Variants in TMEM242 observed in about 807,000 individuals in gnomAD.
TMEM242 encodes UPF0463 transmembrane protein C6orf35.
In TMEM242, 10 loss-of-function variants were observed where a neutral mutation model predicts 18.2. That is an observed-to-expected ratio of 0.55 (90% CI 0.34 to 0.93). The LOEUF (loss-of-function observed/expected upper bound fraction) is 0.93, where lower values mean the gene tolerates loss of function less well. Among genes scored for constraint, TMEM242 ranks in the 40% least tolerant of loss-of-function variants. The pLI is 0.02. For synonymous variants in TMEM242, 57 were observed against 69.9 expected, an observed-to-expected ratio of 0.81 and a Z score of 0.92; for missense variants, 186 against 175.5, an observed-to-expected ratio of 1.06 and a Z score of -0.34.
Position 157,291,677 on chromosome 6 carries a change from T to C in TMEM242, c.*1224A>G, listed in dbSNP as rs1777686379. The C allele has an allele frequency of 6.6e-6, 1 of 152,230 alleles. No individual in the cohort carries two copies. Among genetic ancestry groups the C allele is most frequent in the Non-Finnish European group, 1.5e-5 (1 of 68,044 alleles). The allele number at this position is 152,230 out of a possible 1,614,324, so 9.4% of individuals were successfully genotyped here. ...CTGTTTCATTAACAATACAGCAATT[T>C]TAACAGGGTAACATGGTCTAGAGAA... On this transcript the variant is annotated 3_prime_UTR_variant, in exon 4 of 4. Coordinates refer to ENST00000400788, the MANE Select transcript of TMEM242 (RefSeq NM_018452.6).
At chr6:157,300,182 G>A (rs1777808520) in intron 3 of TMEM242, 2 of 499,122 alleles carry the variant, frequency 4.0e-6, no homozygotes, top group South Asian at 2.1e-5. Context: ...TGACCAGGAC[G>A]TCGCAACGCC....
chr6:157,311,350 GCGCT>G (rs1778077358), intron 3 of TMEM242, among the ~76,000 whole-genome samples: 1 of 133,718 alleles, frequency 7.5e-6, no homozygotes, highest in Non-Finnish European at 1.7e-5. Flanking sequence ...GTCCCAGTGT[GCGCT>G]CACCTAGCCT....
intron 3 of TMEM242, among the ~76,000 whole-genome samples, chr6:157,313,327 G>T (rs1554249698): frequency 2.0e-5 from 3 of 151,954 alleles, no homozygotes; most frequent in Non-Finnish European, 4.4e-5. Context: ...CGCTCACCTG[G>T]CCTCATCATA....
intron 3 of TMEM242, among the ~76,000 whole-genome samples, chr6:157,314,788 CA>C (rs1249962927): frequency 6.6e-6 from 1 of 152,182 alleles, no homozygotes; most frequent in African/African-American, 2.4e-5. Context: ...AATAAACAAA[CA>C]GTAAAACCAA....
At chr6:157,312,712 CTGGCCT>C (rs1778211431) in intron 3 of TMEM242, among the ~76,000 whole-genome samples, 1 of 142,026 alleles carries the variant, frequency 7.0e-6, no homozygotes, top group African/African-American at 2.7e-5. Context: ...GTGCGCTCAC[CTGGCCT>C]CATCTTACTG....
At chr6:157,311,391 CCTAGCCTCATCATAGTGTTCCAG>C (rs1778083984) in intron 3 of TMEM242, among the ~76,000 whole-genome samples, 1 of 12,156 alleles carries the variant, frequency 8.2e-5, no homozygotes, top group African/African-American at 3.0e-4. Flanking sequence ...TGTGCGCTCA[CCTAGCCTCATCATAGTGTTCCAG>C]TGTGCACGCA....
At chr6:157,311,464 C>A (rs373282781) in intron 3 of TMEM242, among the ~76,000 whole-genome samples, 45 of 40,976 alleles carry the variant, frequency 1.1e-3, no homozygotes, top group East Asian at 1.7e-3. Flanking sequence ...AATCACCTGG[C>A]CTCATCATAG....
chr6:157,290,611 A>C lies in TMEM242; in HGVS notation c.*2290T>G, dbSNP rs1777672201. 1 of 152,236 alleles carries C rather than the reference A, an allele frequency of 6.6e-6. No individual in the cohort carries two copies. The allele number at this position is 152,236 out of a possible 1,614,324, so 9.4% of individuals were successfully genotyped here. A position where few individuals can be genotyped will look rare whatever the true frequency, so the allele number is the denominator to read the frequency against. On this transcript the variant is annotated 3_prime_UTR_variant, in exon 4 of 4. Coordinates refer to ENST00000400788, the MANE Select transcript of TMEM242 (RefSeq NM_018452.6). ...ATTTTTCCTTTCCATTAACCAATTT[A>C]ACAATATGCCTCTGGTACAAAAGGA...
At chr6:157,312,815 T>A (rs1242623781) in intron 3 of TMEM242, among the ~76,000 whole-genome samples, 1 of 7,270 alleles carries the variant, frequency 1.4e-4, no homozygotes, top group African/African-American at 7.0e-4. Context: ...TGAACTCAAC[T>A]AGCCTCATCA....
chr6:157,308,833 C>T (rs1272677688), intron 3 of TMEM242, among the ~76,000 whole-genome samples: 2 of 152,166 alleles, frequency 1.3e-5, no homozygotes, highest in Admixed American at 6.5e-5. Context: ...GCAAGGATCC[C>T]AAGAAACTTT....
chr6:157,300,165 A>G, intron 3 of TMEM242: 1 of 546,824 alleles, frequency 1.8e-6, no homozygotes, highest in Non-Finnish European at 3.3e-6. Context: ...GAATGGAAGA[A>G]AACTGCTGAC....
intron 3 of TMEM242, chr6:157,300,018 C>G: frequency 1.8e-6 from 2 of 1,108,484 alleles, no homozygotes; most frequent in Non-Finnish European, 2.8e-6. Flanking sequence ...AAGAGCCAGG[C>G]GCCCTTGAGC....
intron 3 of TMEM242, among the ~76,000 whole-genome samples, chr6:157,313,678 T>G (rs1162290338): frequency 8.4e-5 from 12 of 143,066 alleles, no homozygotes; most frequent in African/African-American, 3.4e-4. Flanking sequence ...CCCATCATAG[T>G]GTCCCAATGT....
At chr6:157,309,427 G>A (rs1371902146) in intron 3 of TMEM242, among the ~76,000 whole-genome samples, 1 of 151,944 alleles carries the variant, frequency 6.6e-6, no homozygotes, top group Non-Finnish European at 1.5e-5. Context: ...CTGTCACCTA[G>A]GCTGGAGTGC....
rs1405112921 is a variant in TMEM242, at chr6:157,289,966, G to C, written c.*2935C>G. 1 of 152,144 alleles carries C rather than the reference G, an allele frequency of 6.6e-6. No homozygotes were observed. The highest frequency in any genetic ancestry group is 1.5e-5 in the Non-Finnish European group (1 of 68,076). 9.4% of individuals were successfully genotyped at this position (152,144 alleles called of 1,614,324 possible). A position where few individuals can be genotyped will look rare whatever the true frequency, so the allele number is the denominator to read the frequency against. ...GGTCCTCCTGGTGATGGGCTGCCGG[G>C]CGTCTTCGGAGGCAGCTCCCGTCCC... is the stretch of plus-strand genomic sequence containing the variant. On this transcript the variant is annotated 3_prime_UTR_variant, in exon 4 of 4. Transcript: ENST00000400788.
intron 3 of TMEM242, chr6:157,299,678 T>C (rs1193778349): frequency 1.9e-6 from 3 of 1,610,556 alleles, no homozygotes; most frequent in Non-Finnish European, 2.5e-6. Context: ...CACATTTCGC[T>C]GGACTAAATT....
At chr6:157,301,842 G>T (rs782540493) in intron 3 of TMEM242, among the ~76,000 whole-genome samples, 3 of 152,150 alleles carry the variant, frequency 2.0e-5, no homozygotes, top group Non-Finnish European at 4.4e-5. Flanking sequence ...AGAGGCATGA[G>T]AATTGCTTGA....
chr6:157,289,623 A>G lies in TMEM242; in HGVS notation c.*3278T>C, dbSNP rs927330384. 2.6e-5 allele frequency: 4 copies of G among 152,188 alleles called. No individual in the cohort carries two copies. The highest frequency in any genetic ancestry group is 9.7e-5 in the African/African-American group (4 of 41,448). 9.4% of individuals were successfully genotyped at this position (152,188 alleles called of 1,614,324 possible). A position where few individuals can be genotyped will look rare whatever the true frequency, so the allele number is the denominator to read the frequency against. ...AACCAAGATTTAATCTTGGAGATTA[A>G]ATGTTGCCCCAAGTGAAATAGCTAA... On this transcript the variant is annotated 3_prime_UTR_variant, in exon 4 of 4. Coordinates refer to ENST00000400788, the MANE Select transcript of TMEM242 (RefSeq NM_018452.6).
intron 3 of TMEM242, among the ~76,000 whole-genome samples, chr6:157,313,208 C>T (rs1583571212): frequency 7.0e-6 from 1 of 142,576 alleles, no homozygotes; most frequent in African/African-American, 2.6e-5. Context: ...CATAGTGCCT[C>T]AGTGTGCCCT....
Sources: allele counts gnomAD v4.1 joint callset (sites outside exome capture counted in the v4.1 genomes callset), GRCh38; gene constraint gnomAD v4.1.1; transcripts MANE v1.5; gene names NCBI Gene and HGNC (gene_info 2026-07-23, HGNC 2026-07-21).